Variants in TYW1 observed in about 807,000 individuals in gnomAD.
TYW1 encodes the protein tRNA-yW synthesizing protein 1 homolog, also known as S-adenosyl-L-methionine-dependent tRNA 4-demethylwyosine synthase TYW1.
TYW1 carries 46 observed loss-of-function variants against 96.2 expected under a neutral mutation model. The ratio of observed to expected loss-of-function variants is 0.48; its 90% CI spans 0.38 to 0.61. TYW1 has a LOEUF of 0.61. Among genes scored for constraint, TYW1 ranks in the 20% least tolerant of loss-of-function variants. The pLI is 0.00. For missense variants in TYW1, 684 were observed against 909.6 expected, an observed-to-expected ratio of 0.75 and a Z score of 3.19; for synonymous variants, 274 against 323.0, an observed-to-expected ratio of 0.85 and a Z score of 1.63.
rs576664564 is a variant in TYW1, at chr7:67,163,541, A to G, written c.1699-19585A>G. ...CTGTTGTAAGTAACCTGTAGAGTAC[A>G]TGACTCTTCAGGCTCTGGCCACACT... On this transcript the variant is annotated intron_variant, in intron 13 of 15. Transcript: ENST00000359626. Among the ~76,000 whole-genome samples, 9 of 152,260 alleles carry G rather than the reference A, an allele frequency of 5.9e-5. 1 individual carries two copies. In the East Asian group the frequency reaches 1.4e-3, roughly 23 times the overall value.
chr7:67,086,792 G>A (rs1190867760), intron 11 of TYW1, among the ~76,000 whole-genome samples: 1 of 152,114 alleles, frequency 6.6e-6, no homozygotes, highest in East Asian at 1.9e-4. Context: ...GAAACATCCA[G>A]AATAATGGCT....
chr7:67,093,360 G>C (rs1796783754), intron 11 of TYW1, among the ~76,000 whole-genome samples: 1 of 152,128 alleles, frequency 6.6e-6, no homozygotes. Flanking sequence ...GAATGGGCTT[G>C]GAGAGGGTGA....
intron 13 of TYW1, among the ~76,000 whole-genome samples, chr7:67,165,683 T>C (rs1231548171): frequency 6.6e-6 from 1 of 152,202 alleles, no homozygotes; most frequent in Non-Finnish European, 1.5e-5. Flanking sequence ...ATCCCAGCAC[T>C]CTGGGAGGCC....
At chr7:67,167,468 C>CA (rs869281504) in intron 13 of TYW1, among the ~76,000 whole-genome samples, 1,312 of 78,734 alleles carry the variant, frequency 0.017, 149 homozygotes, top group East Asian at 0.085. Flanking sequence ...GACTCTGTCT[C>CA]AAAAAAAAAA....
chr7:67,042,253 A>G (rs1170022885), intron 7 of TYW1, among the ~76,000 whole-genome samples: 2 of 151,168 alleles, frequency 1.3e-5, no homozygotes, highest in East Asian at 3.9e-4. Context: ...ATTAGCTTAT[A>G]TAAGTATATG....
intron 8 of TYW1, among the ~76,000 whole-genome samples, chr7:67,051,724 G>GTTTT (rs200899821): frequency 1.7e-5 from 2 of 118,236 alleles, no homozygotes; most frequent in Non-Finnish European, 1.8e-5. Context: ...GACTGTTTTT[G>GTTTT]TTTTTTTGTT....
chr7:67,189,142 A>C (rs1800120383), intron 14 of TYW1, among the ~76,000 whole-genome samples: 1 of 152,104 alleles, frequency 6.6e-6, no homozygotes, highest in Non-Finnish European at 1.5e-5. Flanking sequence ...CTCTTTTGTG[A>C]GTCAAAGGAA....
chr7:67,010,843 C>G (rs1793772996), intron 4 of TYW1, among the ~76,000 whole-genome samples: 1 of 152,070 alleles, frequency 6.6e-6, no homozygotes, highest in Non-Finnish European at 1.5e-5. Flanking sequence ...TGGCCTCAGT[C>G]TCCCAAAGTA....
chr7:67,085,924 C>T (rs1349224026), intron 11 of TYW1, among the ~76,000 whole-genome samples: 4 of 151,544 alleles, frequency 2.6e-5, no homozygotes, highest in African/African-American at 7.3e-5. Context: ...GAGCTGAGTT[C>T]ACACTCCACT....
chr7:67,101,693 T>TC (rs1452874991), intron 12 of TYW1, among the ~76,000 whole-genome samples: 2 of 152,106 alleles, frequency 1.3e-5, no homozygotes, highest in Non-Finnish European at 2.9e-5. Flanking sequence ...AGATGGGGTT[T>TC]CACCATGTTG....
intron 9 of TYW1, among the ~76,000 whole-genome samples, chr7:67,061,886 A>G (rs1423328390): frequency 6.6e-6 from 1 of 152,076 alleles, no homozygotes; most frequent in Non-Finnish European, 1.5e-5. Context: ...ATTTTAAGTA[A>G]AGAACCAAAA....
intron 11 of TYW1, among the ~76,000 whole-genome samples, chr7:67,087,399 T>C (rs934890262): frequency 3.9e-5 from 6 of 152,136 alleles, no homozygotes; most frequent in Non-Finnish European, 8.8e-5. Flanking sequence ...TTATATTCTC[T>C]TGAGGGATGA....
At chr7:67,043,718 G>A (rs1285116647) in intron 7 of TYW1, among the ~76,000 whole-genome samples, 1 of 152,148 alleles carries the variant, frequency 6.6e-6, no homozygotes, top group Non-Finnish European at 1.5e-5. Context: ...CATGGTCTCT[G>A]TAGCTAGGAG....
intron 3 of TYW1, among the ~76,000 whole-genome samples, chr7:67,004,294 A>T (rs1388499735): frequency 6.6e-6 from 1 of 152,110 alleles, no homozygotes; most frequent in Non-Finnish European, 1.5e-5. Context: ...GATGGGCCTA[A>T]TGGGAGGTGT....
intron 4 of TYW1, among the ~76,000 whole-genome samples, chr7:67,011,703 C>G (rs1158442599): frequency 2.0e-5 from 3 of 152,030 alleles, no homozygotes; most frequent in African/African-American, 7.2e-5. Context: ...GAAACCACGT[C>G]TCTACTCAAA....
chr7:67,152,630 C>A (rs1339749885), intron 13 of TYW1, among the ~76,000 whole-genome samples: 9 of 152,150 alleles, frequency 5.9e-5, no homozygotes, highest in Non-Finnish European at 8.8e-5. Flanking sequence ...GAGACAGAGT[C>A]TCCCTCTGTC....
intron 13 of TYW1, among the ~76,000 whole-genome samples, chr7:67,176,465 G>A (rs547797197): frequency 2.6e-5 from 4 of 152,226 alleles, no homozygotes; most frequent in Non-Finnish European, 4.4e-5. Context: ...GCCAAGAAGC[G>A]ATGGAATTCA....
chr7:67,195,131 G>A, intron 14 of TYW1, 39 bp from the exon 15 acceptor site: 1 of 1,601,918 alleles, frequency 6.2e-7, no homozygotes. Flanking sequence ...CATGCAGGTA[G>A]GTCTGTAGTC....
chr7:67,100,393 G>T (rs531821786), intron 12 of TYW1, among the ~76,000 whole-genome samples: 1 of 151,890 alleles, frequency 6.6e-6, no homozygotes, highest in East Asian at 1.9e-4. Context: ...GTTCCTTGAG[G>T]TCAAGACCTC....
Sources: gnomAD v4.1 joint callset for allele counts (sites outside exome capture counted in the v4.1 genomes callset) on GRCh38, gnomAD v4.1.1 for gene constraint, MANE v1.5 for transcripts, NCBI Gene and HGNC (gene_info 2026-07-23, HGNC 2026-07-21) for gene names.